Variants in CORO1C observed in about 807,000 individuals in gnomAD.
The protein encoded by CORO1C is coronin-1C.
A neutral mutation model predicts 51.2 loss-of-function variants in CORO1C; 14 were observed. The observed-to-expected ratio is 0.27, with a 90% confidence interval of 0.18 to 0.43. The LOEUF (loss-of-function observed/expected upper bound fraction) is 0.43. CORO1C is among the 20% of genes least tolerant of loss of function. The probability of loss-of-function intolerance (pLI) is 1.00; values close to 1 mark genes in which losing one functional copy is unlikely to be tolerated. For synonymous variants in CORO1C, 181 were observed against 210.5 expected (o/e 0.86, Z 1.21); for missense variants, 417 against 607.8 (o/e 0.69, Z 3.30).
At chr12:108,649,226 A>G in intron 8 of CORO1C, 1 of 613,190 alleles carries the variant, frequency 1.6e-6, no homozygotes. Context: ...CTATGCTAGG[A>G]ACTGGCAGAC....
intron 1 of CORO1C, among the ~76,000 whole-genome samples, chr12:108,703,785 G>A (rs1000602248): frequency 7.6e-6 from 1 of 130,954 alleles, no homozygotes; most frequent in Admixed American, 7.8e-5. Flanking sequence ...GGGCCTGGAT[G>A]ACACCCAGCA....
chr12:108,702,764 G>C (rs1461968899), intron 1 of CORO1C: 1 of 1,482,850 alleles, frequency 6.7e-7, no homozygotes. Context: ...TAAATGCAGA[G>C]AGACGAATTT....
chr12:108,692,224 C>G (rs1375324869), intron 2 of CORO1C, among the ~76,000 whole-genome samples: 2 of 152,120 alleles, frequency 1.3e-5, no homozygotes, highest in Admixed American at 1.3e-4. Flanking sequence ...GTTGAAGGTG[C>G]TCCAGGCATC....
Position 108,658,594 on chromosome 12 carries a change from C to T in CORO1C, c.630+144G>A. 1 of 694,358 alleles carries T rather than the reference C, an allele frequency of 1.4e-6. No homozygotes were observed. The highest frequency in any genetic ancestry group is 2.7e-5 in the East Asian group (1 of 36,936). The allele number at this position is 694,358 out of a possible 1,614,324, so 43.0% of individuals were successfully genotyped here. On this transcript the variant is annotated intron_variant, in intron 5 of 10. Transcript: ENST00000261401. The surrounding 1 kb of genome is among the most constrained non-coding windows in gnomAD (Gnocchi z 4.9). ...GAAGCACAACTGGGGAGACAGAAGCCTTTATAAGCCTTCTCTTATTCACAG... is the reference window on the plus strand; with the variant it reads ...GAAGCACAACTGGGGAGACAGAAGCTTTTATAAGCCTTCTCTTATTCACAG...
intron 2 of CORO1C, among the ~76,000 whole-genome samples, chr12:108,690,809 G>C (rs748360736): frequency 4.6e-5 from 7 of 152,194 alleles, no homozygotes; most frequent in Non-Finnish European, 7.3e-5. Flanking sequence ...AATTGAGCTA[G>C]AAAGCAAAAG....
At chr12:108,657,782 C>G (rs1051900902) in intron 5 of CORO1C, among the ~76,000 whole-genome samples, 27 of 152,210 alleles carry the variant, frequency 1.8e-4, no homozygotes, top group African/African-American at 6.5e-4. Context: ...TAGGCATGCC[C>G]TACCATTTCT....
chr12:108,696,541 G>A (rs1415675788), intron 2 of CORO1C: 1 of 152,130 alleles, frequency 6.6e-6, no homozygotes, highest in African/African-American at 2.4e-5. Context: ...CTCCACAAAG[G>A]AAAGGCTTAT....
At chr12:108,725,824 T>TA (rs1285534934) in intron 1 of CORO1C, among the ~76,000 whole-genome samples, 457 of 152,146 alleles carry the variant, frequency 3.0e-3, no homozygotes, top group African/African-American at 7.0e-3. Context: ...TTTATTTATT[T>TA]TTTTGAGACG....
intron 3 of CORO1C, among the ~76,000 whole-genome samples, chr12:108,669,120 C>T (rs2033614330): frequency 6.6e-6 from 1 of 152,154 alleles, no homozygotes; most frequent in South Asian, 2.1e-4. Context: ...GAAGCCACGT[C>T]TAAAAAATGG....
Position 108,647,381 on chromosome 12 carries a change from T to C in CORO1C, c.*22A>G, listed in dbSNP as rs982731542. On this transcript the variant is annotated 3_prime_UTR_variant, in exon 11 of 11. Transcript: ENST00000261401. Reference sequence around the variant, plus strand: ...CACAAGTTCTTGCTCCCATTTTTTCTGTAGGGGTGGGGGTGGGACCTTCAG... The same window carrying C: ...CACAAGTTCTTGCTCCCATTTTTTCCGTAGGGGTGGGGGTGGGACCTTCAG... 3 of 1,600,746 alleles carry C rather than the reference T, an allele frequency of 1.9e-6. No homozygotes were observed. In the African/African-American group the frequency reaches 4.1e-5, roughly 22 times the overall value.
intron 1 of CORO1C, among the ~76,000 whole-genome samples, chr12:108,712,570 C>CA (rs138128974): frequency 0.022 from 1,491 of 66,292 alleles, 54 homozygotes; most frequent in African/African-American, 0.066. Flanking sequence ...GAAACTGTCT[C>CA]AAAAAAAAAA....
At chr12:108,715,668 G>GCAGAACCAGATAAAATC (rs1555222868) in intron 1 of CORO1C, among the ~76,000 whole-genome samples, 1 of 34,506 alleles carries the variant, frequency 2.9e-5, no homozygotes, top group Non-Finnish European at 4.7e-5. Flanking sequence ...TCACAACACT[G>GCAGAACCAGATAAAATC]GCAGCAGCCA....
intron 2 of CORO1C, among the ~76,000 whole-genome samples, chr12:108,684,509 G>C (rs1270789798): frequency 6.6e-6 from 1 of 152,052 alleles, no homozygotes; most frequent in Admixed American, 6.5e-5. Flanking sequence ...AAAAGCAGAA[G>C]CAATTTCACT....
chr12:108,688,407 G>C (rs2034375457), intron 2 of CORO1C, among the ~76,000 whole-genome samples: 1 of 152,202 alleles, frequency 6.6e-6, no homozygotes, highest in Non-Finnish European at 1.5e-5. Context: ...AAAGCAGCTA[G>C]TGGTGTATTA....
intron 3 of CORO1C, among the ~76,000 whole-genome samples, chr12:108,668,122 T>C (rs2033563325): frequency 6.6e-6 from 1 of 151,898 alleles, no homozygotes; most frequent in South Asian, 2.1e-4. Context: ...AAATGGGAAA[T>C]GAAGAAAATA....
At chr12:108,681,499 C>T (rs2034122671) in intron 2 of CORO1C, among the ~76,000 whole-genome samples, 1 of 152,124 alleles carries the variant, frequency 6.6e-6, no homozygotes, top group African/African-American at 2.4e-5. Context: ...AGTAATTAGA[C>T]TGATTGTGAG....
At chr12:108,714,107 T>C (rs980265501) in intron 1 of CORO1C, among the ~76,000 whole-genome samples, 1 of 152,116 alleles carries the variant, frequency 6.6e-6, no homozygotes, top group Non-Finnish European at 1.5e-5. Flanking sequence ...AAGAACAACC[T>C]GGGCCGGGCA....
intron 5 of CORO1C, 115 bp from the exon 6 acceptor site, chr12:108,657,538 G>A: frequency 1.8e-6 from 2 of 1,125,742 alleles, no homozygotes; most frequent in Non-Finnish European, 1.3e-6. Flanking sequence ...CCTGGGTGTG[G>A]GAGGGAGGTC....
intron 3 of CORO1C, among the ~76,000 whole-genome samples, chr12:108,675,601 TA>T (rs1399438828): frequency 6.6e-6 from 1 of 152,228 alleles, no homozygotes; most frequent in African/African-American, 2.4e-5. Context: ...CCTGCTTTCC[TA>T]AATGAACTAT....
Sources: gnomAD v4.1 joint callset for allele counts (sites outside exome capture counted in the v4.1 genomes callset) on GRCh38, gnomAD v4.1.1 for gene constraint, Gnocchi (gnomAD v3.1) non-coding constraint, MANE v1.5 for transcripts, NCBI Gene and HGNC (gene_info 2026-07-23, HGNC 2026-07-21) for gene names.